Variants in RCBTB1 observed in about 807,000 individuals in gnomAD.
RCBTB1 encodes the protein RCC1 and BTB domain containing protein 1.
Under a neutral mutation model 62.4 loss-of-function variants are expected in RCBTB1, and 46 were observed. The observed-to-expected ratio is 0.74, with a 90% CI of 0.58 to 0.94. The LOEUF is 0.94. Among genes scored for constraint, RCBTB1 ranks in the 40% least tolerant of loss-of-function variants. RCBTB1 has a pLI of 0.00. For synonymous variants in RCBTB1, 222 were observed against 245.8 expected (o/e 0.90, Z 0.91); for missense variants, 565 against 654.9 (o/e 0.86, Z 1.50).
chr13:49,548,554 A>C (rs937974888), intron 9 of RCBTB1, among the ~76,000 whole-genome samples: 4 of 150,886 alleles, frequency 2.7e-5, no homozygotes, highest in African/African-American at 9.8e-5. Context: ...GGAACAACCC[A>C]CATGTCCATC....
At chr13:49,544,567 G>A (rs557874820) in intron 10 of RCBTB1, among the ~76,000 whole-genome samples, 170 bp downstream of exon 10, 7 of 152,248 alleles carry the variant, frequency 4.6e-5, no homozygotes, top group Non-Finnish European at 1.0e-4. Context: ...CGCTCCATGA[G>A]TGTACACAAA....
At chr13:49,538,979 C>T (rs936392383) in intron 12 of RCBTB1, among the ~76,000 whole-genome samples, 3 of 150,954 alleles carry the variant, frequency 2.0e-5, no homozygotes, top group African/African-American at 4.9e-5. Context: ...AAGCAATTCT[C>T]CTGCCTCAGC....
At chr13:49,572,264 T>C (rs550145136) in intron 2 of RCBTB1, among the ~76,000 whole-genome samples, 1 of 150,528 alleles carries the variant, frequency 6.6e-6, no homozygotes, top group East Asian at 2.0e-4. Flanking sequence ...GAGGTGGAGG[T>C]TGCAGTGAGC....
At chr13:49,563,086 GA>G (rs1430953514) in intron 4 of RCBTB1, among the ~76,000 whole-genome samples, 1 of 151,174 alleles carries the variant, frequency 6.6e-6, no homozygotes, top group African/African-American at 2.4e-5. Context: ...TTCCAAAGAG[GA>G]AAAAACAGTC....
chr13:49,554,592 G>A (rs111672228), intron 6 of RCBTB1, among the ~76,000 whole-genome samples: 3,484 of 152,200 alleles, frequency 0.023, 152 homozygotes, highest in African/African-American at 0.08. Flanking sequence ...GGTGAGCAGC[G>A]GGCAAGGGAG....
chr13:49,547,150 T>C (rs1404381926), intron 9 of RCBTB1: 1 of 1,273,942 alleles, frequency 7.8e-7, no homozygotes. Flanking sequence ...GTGAACCAAT[T>C]ATTTTCCAAT....
intron 9 of RCBTB1, 147 bp downstream of exon 9, chr13:49,549,311 A>C (rs913441317): frequency 4.8e-5 from 33 of 682,134 alleles, no homozygotes; most frequent in Non-Finnish European, 7.5e-5. Flanking sequence ...AATACATTTG[A>C]TTATGCACAT....
chr13:49,551,309 T>C lies in RCBTB1; in HGVS notation c.854+17A>G. On this transcript the variant is annotated intron_variant, in intron 8 of 12. Coordinates refer to ENST00000378302, the MANE Select transcript of RCBTB1 (RefSeq NM_018191.4). ...ACATCGCACACACAGTCCCAAGACG[T>C]GGCACAGCCAAGTTACCTTTCTTTC... 6.2e-7 allele frequency: 1 copy of C among 1,613,152 alleles called. No homozygotes were observed. Among genetic ancestry groups the C allele is most frequent in the East Asian group, 2.2e-5 (1 of 44,884 alleles).
intron 12 of RCBTB1, among the ~76,000 whole-genome samples, chr13:49,536,070 G>A (rs1354964810): frequency 6.6e-6 from 1 of 151,442 alleles, no homozygotes; most frequent in Non-Finnish European, 1.5e-5. Context: ...GTATAAAAAT[G>A]GTGCCACTAA....
chr13:49,550,818 G>A (rs1961262549), intron 8 of RCBTB1, among the ~76,000 whole-genome samples: 1 of 152,126 alleles, frequency 6.6e-6, no homozygotes. Flanking sequence ...CTTTTGCATA[G>A]GCCAGGCACG....
At chr13:49,554,156 T>G (rs572578815) in intron 6 of RCBTB1, among the ~76,000 whole-genome samples, 1 of 152,228 alleles carries the variant, frequency 6.6e-6, no homozygotes, top group African/African-American at 2.4e-5. Context: ...CTGCAGTAGG[T>G]ATAATCATCC....
rs117959005 is a variant in RCBTB1 at position 49,560,236 on chromosome 13, G to C, written c.278-152C>G. The stretch of plus-strand genomic sequence containing the variant: ...TTAAGTAACCATGGACAGAGTAAAG[G>C]AGAGAGAGATGGGTGACAGAACGGG... On this transcript the variant is annotated intron_variant, in intron 4 of 12. Transcript: ENST00000378302. 719 of 755,970 alleles carry C rather than the reference G, an allele frequency of 9.5e-4. 11 individuals carry two copies. In the East Asian group the frequency reaches 0.018, roughly 19 times the overall value. The allele number at this position is 755,970 out of a possible 1,614,324, so 46.8% of individuals were successfully genotyped here.
chr13:49,551,449 T>C lies in RCBTB1; in HGVS notation c.731A>G (p.His244Arg), dbSNP rs141645569. ...CVNQIVCGYA[H>R]TLALTDEGLL... ...GCCCTCATCTGTTAGTGCTAGAGTA[T>C]GTGCGTAACCGCAGACAATCTGCAA... The change falls in exon 8 of 13, where the codon CAT (histidine) becomes CGT (arginine). Residue 244 changes from histidine (H) to arginine (R), a missense_variant. Transcript: ENST00000378302. The C allele has an allele frequency of 5.0e-6, 8 of 1,614,020 alleles. No individual in the cohort carries two copies. Among genetic ancestry groups the C allele is most frequent in the Non-Finnish European group, 6.8e-6 (8 of 1,180,016 alleles).
At chr13:49,554,607 ACT>A (rs1454864165) in intron 6 of RCBTB1, among the ~76,000 whole-genome samples, 2 of 152,172 alleles carry the variant, frequency 1.3e-5, no homozygotes, top group Non-Finnish European at 2.9e-5. Flanking sequence ...AGGGAGTATT[ACT>A]GCCTGAGCGC....
At chr13:49,535,637 C>T (rs1417978588) in intron 12 of RCBTB1, among the ~76,000 whole-genome samples, 6 of 152,134 alleles carry the variant, frequency 3.9e-5, no homozygotes, top group Non-Finnish European at 7.3e-5. Flanking sequence ...CCTCTGCAAA[C>T]AATGATTTCC....
intron 2 of RCBTB1, among the ~76,000 whole-genome samples, chr13:49,580,144 G>C (rs1438925711): frequency 6.6e-6 from 1 of 152,128 alleles, no homozygotes; most frequent in African/African-American, 2.4e-5. Context: ...TGCTTTTATA[G>C]GATACTGTTG....
chr13:49,542,590 T>C (rs1171402648), intron 10 of RCBTB1, among the ~76,000 whole-genome samples: 1 of 152,176 alleles, frequency 6.6e-6, no homozygotes, highest in African/African-American at 2.4e-5. Context: ...TTTTACATAA[T>C]AAGCATATTC....
At chr13:49,545,904 C>A (rs907978675) in intron 9 of RCBTB1, among the ~76,000 whole-genome samples, 1 of 152,144 alleles carries the variant, frequency 6.6e-6, no homozygotes, top group African/African-American at 2.4e-5. Context: ...TATCTGCAAG[C>A]TTTATCATCA....
At chr13:49,565,442 C>G (rs1385261166) in intron 4 of RCBTB1, among the ~76,000 whole-genome samples, 1 of 152,050 alleles carries the variant, frequency 6.6e-6, no homozygotes, top group East Asian at 1.9e-4. Context: ...GCCACCCCGT[C>G]TGGGAAGTGA....
Sources: allele counts gnomAD v4.1 joint callset (sites outside exome capture counted in the v4.1 genomes callset), GRCh38; gene constraint gnomAD v4.1.1; transcripts MANE v1.5; gene names NCBI Gene and HGNC (gene_info 2026-07-23, HGNC 2026-07-21).